KIF1B: variants seen among roughly 807,000 people sequenced by gnomAD.
KIF1B encodes kinesin family member 1B.
KIF1B carries 76 observed loss-of-function variants against 241.9 expected under a neutral mutation model. The observed-to-expected ratio is 0.31, with a 90% CI of 0.26 to 0.38. KIF1B has a LOEUF of 0.38. Ranked by LOEUF, KIF1B falls within the 10% of genes least tolerant of loss-of-function variation. KIF1B has a pLI of 1.00. For synonymous variants in KIF1B, 750 were observed against 796.7 expected, an observed-to-expected ratio of 0.94 and a Z score of 0.99; for missense variants, 1,622 against 2,271.4, an observed-to-expected ratio of 0.71 and a Z score of 5.81.
chr1:10,303,429 T>C lies in KIF1B; in HGVS notation c.2115+6183T>C, dbSNP rs149241091. 5.3e-3 allele frequency: 8,591 copies of C among 1,614,190 alleles called. 31 individuals are homozygous for C. Among genetic ancestry groups the C allele is most frequent in the Non-Finnish European group, 6.6e-3 (7,829 of 1,180,048 alleles). ...TCAAAGAGATTTGCTATGAGGTTGC[T>C]CTCAATGACTTCAGGCACAGTCGGC... On this transcript the variant is annotated intron_variant, in intron 22 of 48. Transcript: ENST00000676179. The surrounding 1 kb of genome is among the most constrained non-coding windows in gnomAD (Gnocchi z 5.2).
At chr1:10,328,248 C>T (rs1040941959) in intron 27 of KIF1B, among the ~76,000 whole-genome samples, 7 of 152,016 alleles carry the variant, frequency 4.6e-5, no homozygotes, top group East Asian at 1.9e-4. Flanking sequence ...GTCACATGGT[C>T]GGAACCTCAT....
chr1:10,337,476 C>A lies in KIF1B; in HGVS notation c.3365C>A (p.Thr1122Lys). 6.2e-7 allele frequency: 1 copy of A among 1,614,158 alleles called. No homozygotes were observed. Residue 1122 changes from threonine to lysine, a missense_variant, in exon 31 of 49, where the codon ACA becomes AAA. Thr to Lys is a moderately conservative substitution (Grantham distance 78, BLOSUM62 -1). Coordinates refer to ENST00000676179, the MANE Select transcript of KIF1B (RefSeq NM_001365951.3). The surrounding 1 kb of genome is among the most constrained non-coding windows in gnomAD (Gnocchi z 4.0). ...KLGSAFTFRVTVLQASGILPE... is the reference protein window; with the variant it reads ...KLGSAFTFRVKVLQASGILPE... ...GGCAGTGCCTTCACTTTCCGAGTAA[C>A]AGTGTTGCAGGCCAGTGGAATCCTC...
chr1:10,361,793 CTT>C lies in KIF1B; in HGVS notation c.4274_4275del (p.Phe1425TrpfsTer29). The C allele has an allele frequency of 6.2e-7, 1 of 1,614,160 alleles. No individual in the cohort carries two copies. Among genetic ancestry groups the C allele is most frequent in the Non-Finnish European group, 8.5e-7 (1 of 1,180,040 alleles). ...ISPPRSLRSLFGSGYSKSPDS... is the reference protein window; with the variant it reads ...ISPPRSLRSLXGSGYSKSPDS... ...CACCACCACGCTCTCTGCGTAGCCT[CTT>C]TGGCAGCGGCTACTCAAAGTCACCA... On this transcript the variant is annotated frameshift_variant, in exon 40 of 49. Transcript: ENST00000676179. LOFTEE classifies it high-confidence loss of function.
At chr1:10,307,669 T>C (rs1037916391) in intron 22 of KIF1B, 3 of 1,019,264 alleles carry the variant, frequency 2.9e-6, no homozygotes, top group Middle Eastern at 4.7e-4. Context: ...CAAAGAGAAA[T>C]GGTCATAATT....
At chr1:10,234,825 C>T (rs1405662201) in intron 2 of KIF1B, among the ~76,000 whole-genome samples, 1 of 151,650 alleles carries the variant, frequency 6.6e-6, no homozygotes, top group Non-Finnish European at 1.5e-5. Flanking sequence ...CCCAGCCTCC[C>T]TTAAAGAGTT....
chr1:10,300,847 A>G (rs1381692188), intron 22 of KIF1B, among the ~76,000 whole-genome samples: 1 of 152,220 alleles, frequency 6.6e-6, no homozygotes, highest in Non-Finnish European at 1.5e-5. Context: ...ATTAATGTAG[A>G]GTCTGTGTAA....
rs1651722145 is a variant in KIF1B, at chr1:10,326,305, GTGACGGGCA to G, written c.2875_2883del (p.Gly959_Asp961del). On this transcript the variant is annotated inframe_deletion, in exon 27 of 49. Transcript: ENST00000676179. The surrounding 1 kb of genome is among the most constrained non-coding windows in gnomAD (Gnocchi z 5.2). ...ACGGAGGAGGGATCAGATCTCTTCA[GTGACGGGCA>G]TGACCCGTTTTACGACCGATCCCCT... is the stretch of plus-strand genomic sequence containing the variant. 1.3e-5 allele frequency: 21 copies of G among 1,614,212 alleles called. No individual in the cohort carries two copies. In the East Asian group the frequency reaches 4.7e-4, roughly 36 times the overall value.
chr1:10,303,195 CAA>C lies in KIF1B; in HGVS notation c.2115+5950_2115+5951del, dbSNP rs1650628651. On this transcript the variant is annotated intron_variant, in intron 22 of 48. Transcript: ENST00000676179. The surrounding 1 kb of genome is among the most constrained non-coding windows in gnomAD (Gnocchi z 5.2). Reference sequence around the variant, plus strand: ...ATTCTGATAGCGGGGACGATTCTGACAAGAGGTCGTGTGAAGAGAGCTGGAAA... The same window carrying C: ...ATTCTGATAGCGGGGACGATTCTGACGAGGTCGTGTGAAGAGAGCTGGAAA... 7 of 1,613,800 alleles carry C rather than the reference CAA, an allele frequency of 4.3e-6. No individual in the cohort carries two copies. Among genetic ancestry groups the C allele is most frequent in the Non-Finnish European group, 5.9e-6 (7 of 1,179,904 alleles).
At chr1:10,336,796 G>C in intron 29 of KIF1B, 54 bp downstream of exon 29, 4 of 1,492,662 alleles carry the variant, frequency 2.7e-6, no homozygotes, top group Non-Finnish European at 3.7e-6. Flanking sequence ...AGAATGTTCA[G>C]CATTGGAGAT....
At chr1:10,264,341 A>C (rs1399125683) in intron 5 of KIF1B, among the ~76,000 whole-genome samples, 1 of 152,232 alleles carries the variant, frequency 6.6e-6, no homozygotes, top group Non-Finnish European at 1.5e-5. Flanking sequence ...TGGATCTGCC[A>C]GGTGGCATCT....
intron 2 of KIF1B, among the ~76,000 whole-genome samples, chr1:10,241,900 A>G (rs1314169151): frequency 6.6e-6 from 1 of 152,136 alleles, no homozygotes; most frequent in Non-Finnish European, 1.5e-5. Flanking sequence ...CAAAGTCTGG[A>G]ATGCAGTTCA....
intron 1 of KIF1B, among the ~76,000 whole-genome samples, chr1:10,222,819 A>G (rs1430006902): frequency 6.6e-6 from 1 of 152,222 alleles, no homozygotes; most frequent in Non-Finnish European, 1.5e-5. Context: ...GGTCAGAAGA[A>G]CAGTTTAGAA....
In KIF1B at chr1:10,378,418, A is replaced by G. The variant is rs1475482346; in HGVS notation, c.*1831A>G. 1.4e-6 allele frequency: 1 copy of G among 717,644 alleles called. No individual in the cohort carries two copies. The highest frequency in any genetic ancestry group is 1.7e-5 in the African/African-American group (1 of 57,200). 44.5% of individuals were successfully genotyped at this position (717,644 alleles called of 1,614,324 possible). A position where few individuals can be genotyped will look rare whatever the true frequency, so the allele number is the denominator to read the frequency against. On this transcript the variant is annotated 3_prime_UTR_variant, in exon 49 of 49. Coordinates refer to ENST00000676179, the MANE Select transcript of KIF1B (RefSeq NM_001365951.3). ...CTGCCAGTAAGTTTTCCAGGATGAG[A>G]GGGGAAAAAGAAAGCCTCCAGTGAC... is the stretch of plus-strand genomic sequence containing the variant.
intron 2 of KIF1B, among the ~76,000 whole-genome samples, chr1:10,252,314 A>G (rs897755026): frequency 6.6e-6 from 1 of 152,006 alleles, no homozygotes; most frequent in African/African-American, 2.4e-5. Flanking sequence ...TGCTGGGATT[A>G]CAGGCGTGAG....
Position 10,279,011 on chromosome 1 carries a change from G to T in KIF1B, c.1181-86G>T. 3 of 889,018 alleles carry T rather than the reference G, an allele frequency of 3.4e-6. No individual in the cohort carries two copies. The South Asian group carries it at 4.7e-5, about 14-fold the overall frequency. 55.1% of individuals were successfully genotyped at this position (889,018 alleles called of 1,614,324 possible). A position where few individuals can be genotyped will look rare whatever the true frequency, so the allele number is the denominator to read the frequency against. ...TATTAACTTTTCCATCTCCCCAAAT[G>T]CCAAAAACTGCTCTGTTCCCTCTCT... On this transcript the variant is annotated intron_variant, in intron 13 of 48. Coordinates refer to ENST00000676179, the MANE Select transcript of KIF1B (RefSeq NM_001365951.3).
At chr1:10,267,281 G>C in intron 5 of KIF1B, 99 bp from the exon 6 acceptor site, 1 of 963,264 alleles carries the variant, frequency 1.0e-6, no homozygotes, top group Non-Finnish European at 1.7e-6. Context: ...GCCCTCCTTG[G>C]CCTCCCAAAG....
chr1:10,376,409 T>C, intron 48 of KIF1B, 136 bp from the exon 49 acceptor site: 1 of 830,710 alleles, frequency 1.2e-6, no homozygotes, highest in Non-Finnish European at 2.1e-6. Context: ...GGTCCCGGAG[T>C]AGACGGCTTA....
chr1:10,282,037 C>G (rs1305834814), intron 14 of KIF1B, among the ~76,000 whole-genome samples: 2 of 152,180 alleles, frequency 1.3e-5, no homozygotes, highest in African/African-American at 2.4e-5. Flanking sequence ...CTTTGAGGCT[C>G]TGGTTTATCC....
rs753646018 is a variant in KIF1B at position 10,334,641 on chromosome 1, A to G, written c.3043+3A>G. On this transcript the variant is annotated splice_donor_region_variant and intron_variant, in intron 28 of 48. Transcript: ENST00000676179. ...TGTGGCTGTACAGGCCATCGCAGGT[A>G]GGTGACCCTCTTCTGAAATGAGAGC... 1.2e-6 allele frequency: 2 copies of G among 1,607,374 alleles called. No homozygotes were observed. The highest frequency in any genetic ancestry group is 1.7e-6 in the Non-Finnish European group (2 of 1,174,084).
Sources: allele counts gnomAD v4.1 joint callset (sites outside exome capture counted in the v4.1 genomes callset), GRCh38; gene constraint gnomAD v4.1.1; non-coding constraint Gnocchi (gnomAD v3.1); transcripts MANE v1.5; gene names NCBI Gene and HGNC (gene_info 2026-07-23, HGNC 2026-07-21).